EXOC4: variants seen among roughly 807,000 people sequenced by gnomAD.
EXOC4 encodes the protein SEC8-like 1.
A neutral mutation model predicts 107.2 loss-of-function variants in EXOC4; 71 were observed. That is an observed-to-expected ratio of 0.66 (90% CI 0.55 to 0.81). The LOEUF is 0.81. Ranked by LOEUF, EXOC4 falls within the 30% of genes least tolerant of loss-of-function variation. EXOC4 has a pLI of 0.00. For synonymous variants in EXOC4, 456 were observed against 441.2 expected, an observed-to-expected ratio of 1.03 and a Z score of -0.42; for missense variants, 1,108 against 1,189.6, an observed-to-expected ratio of 0.93 and a Z score of 1.01.
chr7:133,679,738 G>A (rs1019811900), intron 10 of EXOC4, among the ~76,000 whole-genome samples: 1 of 152,178 alleles, frequency 6.6e-6, no homozygotes, highest in African/African-American at 2.4e-5. Flanking sequence ...ATTTGAGACA[G>A]GTGTTTGTTC....
rs116654170 is a variant in EXOC4, at chr7:133,441,681, A to G, written c.1183-33647A>G. ...GTGCTGGGATTACAGGCATGAGCCA[A>G]TGTGTGCCACCGTGCTCCGCCTCTA... On this transcript the variant is annotated intron_variant, in intron 7 of 17. Coordinates refer to ENST00000253861, the MANE Select transcript of EXOC4 (RefSeq NM_021807.4). 2.4e-3 allele frequency among the ~76,000 whole-genome samples: 369 copies of G among 152,188 alleles called. 5 individuals are homozygous for G. Among genetic ancestry groups the G allele is most frequent in the African/African-American group, 8.3e-3 (343 of 41,536 alleles).
At chr7:133,305,850 T>C in intron 3 of EXOC4, 27 bp from the exon 4 acceptor site, 1 of 1,555,516 alleles carries the variant, frequency 6.4e-7, no homozygotes, top group East Asian at 2.3e-5. Context: ...TTGTACTTAA[T>C]TGTCTTTCAT....
chr7:134,048,360 A>T (rs114363560), intron 17 of EXOC4, among the ~76,000 whole-genome samples: 4,805 of 152,262 alleles, frequency 0.032, 251 homozygotes, highest in African/African-American at 0.11. Context: ...TGTTTTGAGA[A>T]AGTGCTGTTG....
chr7:134,006,296 C>A lies in EXOC4; in HGVS notation c.2527+1206C>A, dbSNP rs1585316438. On this transcript the variant is annotated intron_variant, in intron 16 of 17. Coordinates refer to ENST00000253861, the MANE Select transcript of EXOC4 (RefSeq NM_021807.4). ...CCACGTTATATTGTGGCAGCAAAAA[C>A]AAACAAACAAACAAACAAACAAAAA... Among the ~76,000 whole-genome samples the A allele has an allele frequency of 2.0e-5, 3 of 151,746 alleles. No homozygotes were observed. The South Asian group carries it at 6.2e-4, about 32-fold the overall frequency.
chr7:133,880,997 GA>G (rs750185379), intron 11 of EXOC4, among the ~76,000 whole-genome samples: 114 of 152,262 alleles, frequency 7.5e-4, no homozygotes, highest in Middle Eastern at 6.8e-3. Flanking sequence ...CTGACAAACA[GA>G]GCTTCAGAGT....
intron 2 of EXOC4, 63 bp downstream of exon 2, chr7:133,275,234 G>A (rs1793962601): frequency 7.5e-7 from 1 of 1,342,234 alleles, no homozygotes; most frequent in Non-Finnish European, 9.9e-7. Flanking sequence ...TTGCAGCTTG[G>A]AGAGGAGCCA....
chr7:133,877,265 C>T (rs941144728), intron 11 of EXOC4, among the ~76,000 whole-genome samples: 1 of 152,120 alleles, frequency 6.6e-6, no homozygotes, highest in African/African-American at 2.4e-5. Flanking sequence ...GGGTCTGTTT[C>T]TCTTAACTGA....
At chr7:133,335,267 G>C (rs1795486882) in intron 5 of EXOC4, among the ~76,000 whole-genome samples, 1 of 152,054 alleles carries the variant, frequency 6.6e-6, no homozygotes, top group Non-Finnish European at 1.5e-5. Context: ...CAGTTCAGTG[G>C]TGTTAAGTAT....
chr7:133,283,829 G>A (rs1183058418), intron 2 of EXOC4, among the ~76,000 whole-genome samples: 1 of 152,100 alleles, frequency 6.6e-6, no homozygotes, highest in Non-Finnish European at 1.5e-5. Context: ...TCCCTATTCC[G>A]GAACTTCGTA....
chr7:133,720,430 C>G (rs1027809261), intron 10 of EXOC4, among the ~76,000 whole-genome samples: 1 of 152,132 alleles, frequency 6.6e-6, no homozygotes, highest in Non-Finnish European at 1.5e-5. Context: ...GCATAACCAC[C>G]GGTAAGGAAA....
At chr7:133,828,507 G>T (rs1482196513) in intron 11 of EXOC4, among the ~76,000 whole-genome samples, 1 of 152,180 alleles carries the variant, frequency 6.6e-6, no homozygotes, top group Non-Finnish European at 1.5e-5. Context: ...TCTGGCTTAG[G>T]ATGCTCCAGT....
At chr7:133,619,338 T>A (rs1802271268) in intron 9 of EXOC4, among the ~76,000 whole-genome samples, 1 of 152,212 alleles carries the variant, frequency 6.6e-6, no homozygotes, top group African/African-American at 2.4e-5. Flanking sequence ...TGGGAGTACT[T>A]AGATTTAAGC....
At chr7:133,820,416 T>C (rs1290236618) in intron 11 of EXOC4, among the ~76,000 whole-genome samples, 1 of 152,146 alleles carries the variant, frequency 6.6e-6, no homozygotes, top group Non-Finnish European at 1.5e-5. Flanking sequence ...TTTGTCTTCC[T>C]CTACAAGCAC....
intron 7 of EXOC4, among the ~76,000 whole-genome samples, chr7:133,400,983 G>C: frequency 6.6e-6 from 1 of 152,176 alleles, no homozygotes; most frequent in East Asian, 1.9e-4. Context: ...GTTTCTGGTT[G>C]AACTCAGGTT....
At chr7:133,895,502 C>T (rs1799285563) in intron 11 of EXOC4, 97 bp from the exon 12 acceptor site, 5 of 1,252,404 alleles carry the variant, frequency 4.0e-6, no homozygotes, top group East Asian at 2.4e-5. Context: ...CAGGAGAGCT[C>T]AGGTACCTTA....
intron 9 of EXOC4, among the ~76,000 whole-genome samples, chr7:133,512,100 AAG>A (rs529438050): frequency 4.6e-4 from 70 of 152,354 alleles, no homozygotes; most frequent in Admixed American, 3.1e-3. Flanking sequence ...AATAGTTGTT[AAG>A]TTGTGATAAC....
At chr7:134,050,763 C>T (rs561661939) in intron 17 of EXOC4, among the ~76,000 whole-genome samples, 50 of 152,188 alleles carry the variant, frequency 3.3e-4, no homozygotes, top group Admixed American at 2.7e-3. Context: ...TTTAAAAGGC[C>T]TTGGATGTCA....
At chr7:133,551,008 G>A (rs370872392) in intron 9 of EXOC4, among the ~76,000 whole-genome samples, 2 of 151,888 alleles carry the variant, frequency 1.3e-5, no homozygotes, top group South Asian at 2.1e-4. Flanking sequence ...GCTGATTTCC[G>A]AGACTTAGGC....
chr7:133,730,362 G>T (rs1000800068), intron 10 of EXOC4, among the ~76,000 whole-genome samples: 1 of 151,828 alleles, frequency 6.6e-6, no homozygotes, highest in Admixed American at 6.6e-5. Context: ...GGATCCTCAT[G>T]TATGGAGCGT....
Sources: allele counts gnomAD v4.1 joint callset (sites outside exome capture counted in the v4.1 genomes callset), GRCh38; gene constraint gnomAD v4.1.1; transcripts MANE v1.5; gene names NCBI Gene and HGNC (gene_info 2026-07-23, HGNC 2026-07-21).